The following MCU variants were observed in gnomAD, a reference collection of about 807,000 sequenced individuals.
MCU encodes calcium uniporter protein, mitochondrial.
A neutral mutation model predicts 45.2 loss-of-function variants in MCU; 12 were observed. The ratio of observed to expected loss-of-function variants is 0.27; its 90% confidence interval spans 0.17 to 0.43. The LOEUF (loss-of-function observed/expected upper bound fraction) is 0.43. MCU is among the 20% of genes least tolerant of loss of function. The pLI, the probability that MCU is intolerant of heterozygous loss-of-function variation, is 1.00. For synonymous variants in MCU, 160 were observed against 165.1 expected (o/e 0.97, Z 0.24); for missense variants, 324 against 436.7 (o/e 0.74, Z 2.30).
chr10:72,846,383 T>C (rs1845123694), intron 2 of MCU, among the ~76,000 whole-genome samples: 1 of 152,158 alleles, frequency 6.6e-6, no homozygotes, highest in Non-Finnish European at 1.5e-5. Context: ...CTGAGTAGTG[T>C]GATGAAATTT....
intron 1 of MCU, among the ~76,000 whole-genome samples, chr10:72,791,040 C>T (rs114162213): frequency 0.023 from 3,546 of 152,166 alleles, 133 homozygotes; most frequent in African/African-American, 0.082. Flanking sequence ...TGTTCATATT[C>T]TATATTCTTG....
chr10:72,732,721 C>T (rs1465050297), intron 1 of MCU, among the ~76,000 whole-genome samples: 1 of 152,176 alleles, frequency 6.6e-6, no homozygotes, highest in Non-Finnish European at 1.5e-5. Flanking sequence ...AGATTTTGTA[C>T]ATAACATTTT....
chr10:72,715,145 ATACCGTTTC>A (rs1842942482), intron 1 of MCU: 1 of 984,774 alleles, frequency 1.0e-6, no homozygotes, highest in Admixed American at 6.2e-5. Flanking sequence ...GATTGGCAAG[ATACCGTTTC>A]TACCTCACTC....
At chr10:72,838,408 G>T (rs111287247) in intron 2 of MCU, among the ~76,000 whole-genome samples, 1 of 152,078 alleles carries the variant, frequency 6.6e-6, no homozygotes, top group African/African-American at 2.4e-5. Flanking sequence ...GAGCTCAGGA[G>T]TTCAAGACCA....
chr10:72,807,726 G>A (rs1844473986), intron 1 of MCU, among the ~76,000 whole-genome samples: 1 of 152,058 alleles, frequency 6.6e-6, no homozygotes, highest in Admixed American at 6.5e-5. Context: ...GTGTTGACTG[G>A]CTGTTCTAAG....
At chr10:72,859,056 CCTT>C (rs1845336361) in intron 2 of MCU, 118 bp from the exon 3 acceptor site, 1 of 990,366 alleles carries the variant, frequency 1.0e-6, no homozygotes, top group Middle Eastern at 3.4e-4. Context: ...TGTTCTTAAA[CCTT>C]CTTTGAAAAC....
chr10:72,732,736 A>G (rs903142082), intron 1 of MCU, among the ~76,000 whole-genome samples: 1 of 152,214 alleles, frequency 6.6e-6, no homozygotes, highest in African/African-American at 2.4e-5. Flanking sequence ...CATTTTGATT[A>G]TGTATTTGTT....
chr10:72,725,881 T>TG (rs1208734892), intron 1 of MCU, among the ~76,000 whole-genome samples: 1 of 151,984 alleles, frequency 6.6e-6, no homozygotes, highest in African/African-American at 2.4e-5. Context: ...CGAAACTGTC[T>TG]GAAAAAAAAG....
chr10:72,852,316 A>T (rs1358872786), intron 2 of MCU, among the ~76,000 whole-genome samples: 3 of 152,262 alleles, frequency 2.0e-5, no homozygotes, highest in Admixed American at 2.0e-4. Context: ...CTATATATTC[A>T]ATTCAAATTA....
At chr10:72,848,914 AAG>A (rs1845163399) in intron 2 of MCU, among the ~76,000 whole-genome samples, 1 of 152,094 alleles carries the variant, frequency 6.6e-6, no homozygotes, top group Non-Finnish European at 1.5e-5. Flanking sequence ...TGATAGAAGA[AAG>A]AGATGGTGGT....
At chr10:72,763,938 G>C (rs997130936) in intron 1 of MCU, among the ~76,000 whole-genome samples, 2 of 151,864 alleles carry the variant, frequency 1.3e-5, no homozygotes, top group Non-Finnish European at 2.9e-5. Context: ...ACACACACAC[G>C]CATGTGCTCA....
intron 2 of MCU, among the ~76,000 whole-genome samples, chr10:72,857,268 TCTCA>T (rs1416173732): frequency 6.6e-5 from 10 of 151,468 alleles, no homozygotes; most frequent in South Asian, 4.2e-4. Flanking sequence ...TCAGACAGAT[TCTCA>T]CTCTGTTGCC....
At chr10:72,801,999 C>T (rs1484044592) in intron 1 of MCU, among the ~76,000 whole-genome samples, 6 of 152,158 alleles carry the variant, frequency 3.9e-5, no homozygotes, top group African/African-American at 1.4e-4. Context: ...TGTGTTTTTA[C>T]ACATTTGTGT....
intron 1 of MCU, among the ~76,000 whole-genome samples, chr10:72,726,700 T>C (rs538794410): frequency 8.5e-5 from 13 of 152,278 alleles, no homozygotes; most frequent in African/African-American, 2.9e-4. Flanking sequence ...ACACTTCTGG[T>C]CCAAAGCATT....
At chr10:72,753,261 A>T (rs1014881988) in intron 1 of MCU, among the ~76,000 whole-genome samples, 1 of 152,212 alleles carries the variant, frequency 6.6e-6, no homozygotes, top group South Asian at 2.1e-4. Context: ...AGAATATATG[A>T]TGTAAAAATT....
intron 2 of MCU, among the ~76,000 whole-genome samples, chr10:72,841,818 C>T (rs550499939): frequency 7.2e-5 from 11 of 152,162 alleles, no homozygotes; most frequent in Non-Finnish European, 1.2e-4. Flanking sequence ...TTCATGAGAA[C>T]AGGTTTTTAT....
rs1453148768 is a variant in MCU, at chr10:72,758,433, T to TA, written c.150+66133dup. Among the ~76,000 whole-genome samples, 4 of 152,344 alleles carry TA rather than the reference T, an allele frequency of 2.6e-5. No individual in the cohort carries two copies. The East Asian group carries it at 5.8e-4, about 22-fold the overall frequency. On this transcript the variant is annotated intron_variant, in intron 1 of 7. Transcript: ENST00000373053. Reference sequence around the variant, plus strand: ...CTCTGTGCTATATCATGTCCACAGATACAGTTGTGTATTGGTACACAGAGA... The same window carrying TA: ...CTCTGTGCTATATCATGTCCACAGATAACAGTTGTGTATTGGTACACAGAGA...
At chr10:72,750,794 A>G (rs147029027) in intron 1 of MCU, among the ~76,000 whole-genome samples, 39 of 152,286 alleles carry the variant, frequency 2.6e-4, no homozygotes, top group African/African-American at 8.9e-4. Flanking sequence ...TCTTCCTCTC[A>G]TCCCTAACCC....
chr10:72,775,815 A>T (rs536390869), intron 1 of MCU, among the ~76,000 whole-genome samples: 1 of 152,292 alleles, frequency 6.6e-6, no homozygotes, highest in East Asian at 1.9e-4. Flanking sequence ...CCAAGATTGA[A>T]CCACGAAGAA....
Sources: gnomAD v4.1 joint callset for allele counts (sites outside exome capture counted in the v4.1 genomes callset) on GRCh38, gnomAD v4.1.1 for gene constraint, MANE v1.5 for transcripts, NCBI Gene and HGNC (gene_info 2026-07-23, HGNC 2026-07-21) for gene names.